The following LTK variants were observed in gnomAD, a reference collection of about 807,000 sequenced individuals.
LTK encodes the protein leukocyte receptor tyrosine kinase.
Under a neutral mutation model 101.5 loss-of-function variants are expected in LTK, and 117 were observed. That is an observed-to-expected ratio of 1.15 (90% CI 0.99 to 1.34). The LOEUF (loss-of-function observed/expected upper bound fraction) is 1.34. Among genes scored for constraint, LTK ranks in the 40% most tolerant of loss-of-function variants. The pLI, the probability that LTK is intolerant of heterozygous loss-of-function variation, is 0.00. For missense variants in LTK, 1,252 were observed against 1,164.7 expected (o/e 1.07, Z -1.09); for synonymous variants, 563 against 494.2 (o/e 1.14, Z -1.85).
intron 14 of LTK, 42 bp from the exon 15 acceptor site, chr15:41,505,347 A>G: frequency 6.2e-7 from 1 of 1,611,036 alleles, no homozygotes; most frequent in Non-Finnish European, 8.5e-7. Context: ...TAGGTCTCAG[A>G]CACATGGACA....
chr15:41,505,622 C>A, intron 13 of LTK, 91 bp downstream of exon 13: 1 of 1,606,102 alleles, frequency 6.2e-7, no homozygotes, highest in Non-Finnish European at 8.5e-7. Flanking sequence ...TCTGTGTCCC[C>A]TGACTTGCTA....
At chr15:41,510,618 C>A (rs1457385906) in intron 7 of LTK, among the ~76,000 whole-genome samples, 1 of 152,148 alleles carries the variant, frequency 6.6e-6, no homozygotes, top group African/African-American at 2.4e-5. Context: ...CCCGCCACCA[C>A]GCCCGGCTAA....
At chr15:41,507,982 A>C in intron 9 of LTK, 87 bp downstream of exon 9, 1 of 1,413,850 alleles carries the variant, frequency 7.1e-7, no homozygotes, top group Non-Finnish European at 9.5e-7. Context: ...CACACAGCAA[A>C]TCTCTATACC....
At chr15:41,509,283 A>G (rs1262387827) in intron 7 of LTK, among the ~76,000 whole-genome samples, 154 bp from the exon 8 acceptor site, 1 of 152,028 alleles carries the variant, frequency 6.6e-6, no homozygotes, top group Admixed American at 6.6e-5. Context: ...GGAGGTGAGG[A>G]GGGGGTAATC....
Position 41,513,824 on chromosome 15 carries a change from T to A in LTK, c.-115A>T, listed in dbSNP as rs2051578516. 1 of 920,676 alleles carries A rather than the reference T, an allele frequency of 1.1e-6. No homozygotes were observed. Among genetic ancestry groups the A allele is most frequent in the Admixed American group, 1.9e-5 (1 of 53,304 alleles). 57.0% of individuals were successfully genotyped at this position (920,676 alleles called of 1,614,324 possible). A position where few individuals can be genotyped will look rare whatever the true frequency, so the allele number is the denominator to read the frequency against. On this transcript the variant is annotated 5_prime_UTR_variant, in exon 1 of 20. Transcript: ENST00000263800. ...GCCCTGGCCACCACTTACAGGGGTG[T>A]GCTGCCGCTGGCGAGACACTCCCCG...
At chr15:41,512,062 G>C in intron 4 of LTK, 53 bp downstream of exon 4, 1 of 1,517,866 alleles carries the variant, frequency 6.6e-7, no homozygotes, top group South Asian at 1.2e-5. Context: ...CGGCCCCCAG[G>C]CAGCCCTCGC....
rs780799456 is a variant in LTK at position 41,513,142 on chromosome 15, C to A, written c.44-22G>T. On this transcript the variant is annotated intron_variant, in intron 1 of 19. Coordinates refer to ENST00000263800, the MANE Select transcript of LTK (RefSeq NM_002344.6). ...GCGCCTGAAAGGTGTTGGGAGAAGG[C>A]GCAGGACGTTAAGGCGGGTGGAAAT... is the stretch of plus-strand genomic sequence containing the variant. 9 of 1,572,034 alleles carry A rather than the reference C, an allele frequency of 5.7e-6. No individual in the cohort carries two copies. The South Asian group carries it at 8.1e-5, about 14-fold the overall frequency.
chr15:41,504,695 C>T (rs2140688555), intron 17 of LTK, 55 bp from the exon 18 acceptor site: 1 of 1,604,112 alleles, frequency 6.2e-7, no homozygotes, highest in Non-Finnish European at 8.5e-7. Flanking sequence ...CCTCCCCTCA[C>T]ATGAGGTGGC....
chr15:41,508,019 C>T (rs1196512255), intron 9 of LTK, 50 bp downstream of exon 9: 1 of 1,533,476 alleles, frequency 6.5e-7, no homozygotes. Flanking sequence ...TACTGCTCCT[C>T]CCAGTCTGTG....
At position 41,513,128 on chromosome 15, in the gene LTK, G is replaced by GTGT; in HGVS notation, c.44-11_44-9dup. 1 of 1,591,516 alleles carries GTGT rather than the reference G, an allele frequency of 6.3e-7. No homozygotes were observed. The highest frequency in any genetic ancestry group is 8.5e-7 in the Non-Finnish European group (1 of 1,170,976). On this transcript the variant is annotated splice_polypyrimidine_tract_variant and intron_variant, in intron 1 of 19. Transcript: ENST00000263800. ...TAGAGCAGAGAATGGCGCCTGAAAG[G>GTGT]TGTTGGGAGAAGGCGCAGGACGTTA...
Position 41,504,617 on chromosome 15 carries a change from T to G in LTK, c.2144A>C (p.Glu715Ala), listed in dbSNP as rs1004898726. Residue 715 changes from glutamate (E) to alanine (A), a missense_variant, in exon 18 of 20, where the codon GAG becomes GCG. Physicochemically the swap from Glu to Ala is moderately radical, Grantham distance 107. Coordinates refer to ENST00000263800, the MANE Select transcript of LTK (RefSeq NM_002344.6). The part of the protein sequence containing the change: ...DSWSFGVLLW[E>A]IFSLGYMPYP... ...GGGCATGTAGCCCAGTGAGAAGATCTCCCAGAGCAGCACCCCAAAAGACCT... is the reference window on the plus strand; with the variant it reads ...GGGCATGTAGCCCAGTGAGAAGATCGCCCAGAGCAGCACCCCAAAAGACCT... 7 of 1,613,196 alleles carry G rather than the reference T, an allele frequency of 4.3e-6. No individual in the cohort carries two copies. The highest frequency in any genetic ancestry group is 1.3e-5 in the African/African-American group (1 of 74,888).
rs1034087389 is a variant in LTK at position 41,512,263 on chromosome 15, A to G, written c.362T>C (p.Ile121Thr). ...WRVPGPGQYLISAYGAAGGKG... is the reference protein window; with the variant it reads ...WRVPGPGQYLTSAYGAAGGKG... The stretch of plus-strand genomic sequence containing the variant: ...GCCGCCCGCGGCTCCGTAGGCTGAG[A>G]TCCTGCGGGGAACGGACGGTGAGTC... The change falls in exon 4 of 20, where the codon ATC (isoleucine) becomes ACC (threonine). Residue 121 changes from isoleucine to threonine, a missense_variant and splice_region_variant. By Grantham distance (89) the Ile-to-Thr change is moderately conservative. Transcript: ENST00000263800. 11 of 1,611,194 alleles carry G rather than the reference A, an allele frequency of 6.8e-6. No individual in the cohort carries two copies. The African/African-American group carries it at 1.5e-4, about 22-fold the overall frequency.
At chr15:41,512,937 G>A in intron 2 of LTK, 40 bp downstream of exon 2, 1 of 1,612,946 alleles carries the variant, frequency 6.2e-7, no homozygotes, top group Non-Finnish European at 8.5e-7. Context: ...GAGGGGTCTG[G>A]TATGGTGAGC....
At position 41,505,189 on chromosome 15, in the gene LTK, A is replaced by G. The variant is rs760869364; in HGVS notation, c.1925+19T>C. ...AGGGAGTTGGGATGGGGGTCCCCTG[A>G]GCCAGGACTGCTCCTAACCTGTGGA... On this transcript the variant is annotated intron_variant, in intron 15 of 19. Transcript: ENST00000263800. 3.1e-6 allele frequency: 5 copies of G among 1,611,696 alleles called. No individual in the cohort carries two copies. The highest frequency in any genetic ancestry group is 2.2e-5 in the East Asian group (1 of 44,846).
rs35075103 is a variant in LTK, at chr15:41,511,381, C to CG, written c.815-36dup. On this transcript the variant is annotated intron_variant, in intron 6 of 19. Transcript: ENST00000263800. This position sits in a 1 kb window ranked among gnomAD's most constrained non-coding sequence, Gnocchi z 5.9. ...GACAGCAGGAAGGTTGGCAGCCACA[C>CG]GGGGAGCACGCCCGCCTCTCCCCGC... is the stretch of plus-strand genomic sequence containing the variant. 1.5e-6 allele frequency: 2 copies of CG among 1,365,460 alleles called. No homozygotes were observed. The highest frequency in any genetic ancestry group is 1.9e-6 in the Non-Finnish European group (2 of 1,067,960). The allele number at this position is 1,365,460 out of a possible 1,614,324, so 84.6% of individuals were successfully genotyped here.
At position 41,507,084 on chromosome 15, in the gene LTK, A is replaced by G. The variant is rs757709486; in HGVS notation, c.1541+11T>C. On this transcript the variant is annotated intron_variant, in intron 11 of 19. Coordinates refer to ENST00000263800, the MANE Select transcript of LTK (RefSeq NM_002344.6). ...AGTGCATAGGTTCTCAGAAGGAGGC[A>G]GAAGACTTACCTGAGCAGAGTAACA... is the stretch of plus-strand genomic sequence containing the variant. 2 of 1,608,854 alleles carry G rather than the reference A, an allele frequency of 1.2e-6. No homozygotes were observed. Among genetic ancestry groups the G allele is most frequent in the South Asian group, 1.1e-5 (1 of 90,402 alleles).
At position 41,511,817 on chromosome 15, in the gene LTK, C is replaced by T; in HGVS notation, c.657G>A (p.Arg219=). 1 of 1,492,112 alleles carries T rather than the reference C, an allele frequency of 6.7e-7. No individual in the cohort carries two copies. The highest frequency in any genetic ancestry group is 1.3e-5 in the South Asian group (1 of 78,396). 92.4% of individuals were successfully genotyped at this position (1,492,112 alleles called of 1,614,324 possible). The change falls in exon 5 of 20, where the codon CGG becomes CGA. Residue 219 remains arginine (R), a splice_region_variant and synonymous_variant. Coordinates refer to ENST00000263800, the MANE Select transcript of LTK (RefSeq NM_002344.6). This position sits in a 1 kb window ranked among gnomAD's most constrained non-coding sequence, Gnocchi z 5.9. ...GCTGAGCGCCGAAGGGAGCACGTAC[C>T]CGGAAAACGTAGGTGGCGCCCCCGC... ...GGGGGATYVF[R]VRAGELEPLL...
chr15:41,513,817 A>G lies in LTK; in HGVS notation c.-108T>C, dbSNP rs2051578119. On this transcript the variant is annotated 5_prime_UTR_variant, in exon 1 of 20. Coordinates refer to ENST00000263800, the MANE Select transcript of LTK (RefSeq NM_002344.6). ...CACGGCAGCCCTGGCCACCACTTAC[A>G]GGGGTGTGCTGCCGCTGGCGAGACA... 4.1e-6 allele frequency: 4 copies of G among 980,592 alleles called. No homozygotes were observed. The highest frequency in any genetic ancestry group is 1.6e-6 in the Non-Finnish European group (1 of 614,540). 60.7% of individuals were successfully genotyped at this position (980,592 alleles called of 1,614,324 possible).
chr15:41,504,534 C>A lies in LTK; in HGVS notation c.2227G>T (p.Asp743Tyr). Residue 743 changes from aspartate to tyrosine, a missense_variant, in exon 18 of 20, where the codon GAC becomes TAC. Physicochemically the swap from Asp to Tyr is radical, Grantham distance 160. Coordinates refer to ENST00000263800, the MANE Select transcript of LTK (RefSeq NM_002344.6). ...LDFVVGGGRMDPPRGCPGPVY... is the reference protein window; with the variant it reads ...LDFVVGGGRMYPPRGCPGPVY... The stretch of plus-strand genomic sequence containing the variant: ...GGCCCTGGGCAGCCCCTAGGAGGGT[C>A]CATCCGGCCTCCTCCAACGACGAAG... The A allele has an allele frequency of 6.2e-7, 1 of 1,613,722 alleles. No homozygotes were observed. Among genetic ancestry groups the A allele is most frequent in the Non-Finnish European group, 8.5e-7 (1 of 1,179,906 alleles).
Sources: gnomAD v4.1 joint callset for allele counts (sites outside exome capture counted in the v4.1 genomes callset) on GRCh38, gnomAD v4.1.1 for gene constraint, Gnocchi (gnomAD v3.1) non-coding constraint, MANE v1.5 for transcripts, NCBI Gene and HGNC (gene_info 2026-07-23, HGNC 2026-07-21) for gene names.